Variants in CAMSAP1 observed in about 807,000 individuals in gnomAD.
CAMSAP1 encodes the protein calmodulin regulated spectrin associated protein 1, also known as calmodulin-regulated spectrin-associated protein 1.
Under a neutral mutation model 143.5 loss-of-function variants are expected in CAMSAP1, and 58 were observed. The ratio of observed to expected loss-of-function variants is 0.40; its 90% CI spans 0.33 to 0.50. The LOEUF (loss-of-function observed/expected upper bound fraction) is 0.50. Ranked by LOEUF, CAMSAP1 falls within the 20% of genes least tolerant of loss-of-function variation. The pLI is 0.45. For synonymous variants in CAMSAP1, 945 were observed against 859.3 expected (o/e 1.10, Z -1.74); for missense variants, 1,969 against 2,115.7 (o/e 0.93, Z 1.36).
At chr9:135,842,100 G>GA (rs1242346289) in intron 7 of CAMSAP1, among the ~76,000 whole-genome samples, 1 of 152,064 alleles carries the variant, frequency 6.6e-6, no homozygotes, top group Non-Finnish European at 1.5e-5. Context: ...TAAGAACCTT[G>GA]AAAAAAGGTT....
rs1257413864 is a variant in CAMSAP1, at chr9:135,862,477, C to T, written c.798G>A (p.Met266Ile). 3 of 1,551,344 alleles carry T rather than the reference C, an allele frequency of 1.9e-6. No homozygotes were observed. The highest frequency in any genetic ancestry group is 2.6e-6 in the Non-Finnish European group (3 of 1,146,972). ...AVIHYYCPEQ[M>I]KLDDICLKEV... ...GCATTCTCCACTCACCATCCAGTTT[C>T]ATCTGCTCTGGGCAATAATAGTGAA... The change falls in exon 5 of 17, where the codon ATG (methionine) becomes ATA (isoleucine). Residue 266 changes from methionine (M) to isoleucine (I), a missense_variant. Met to Ile is a conservative substitution (Grantham distance 10). Coordinates refer to ENST00000389532, the MANE Select transcript of CAMSAP1 (RefSeq NM_015447.4).
At chr9:135,905,037 C>T (rs1838734050) in intron 1 of CAMSAP1, among the ~76,000 whole-genome samples, 1 of 152,172 alleles carries the variant, frequency 6.6e-6, no homozygotes, top group Admixed American at 6.5e-5. Context: ...TGTCACCCAC[C>T]AGTAAGGGGC....
chr9:135,811,489 C>T lies in CAMSAP1; in HGVS notation c.4629G>A (p.Gly1543=). The T allele has an allele frequency of 6.2e-7, 1 of 1,610,506 alleles. No individual in the cohort carries two copies. Among genetic ancestry groups the T allele is most frequent in the Admixed American group, 1.7e-5 (1 of 59,456 alleles). Residue 1543 remains glycine (G), a synonymous_variant, in exon 17 of 17, where the codon GGG becomes GGA. Coordinates refer to ENST00000389532, the MANE Select transcript of CAMSAP1 (RefSeq NM_015447.4). The surrounding 1 kb of genome is among the most constrained non-coding windows in gnomAD (Gnocchi z 4.9). ...TCATTTTCTTGGTGATGTTCTTTGG[C>T]CCCGTGCCAGTGAGTTTGTAGATTT... ...TEEIYKLTGT[G]PKNITKKMID...
At chr9:135,813,641 G>A (rs1294502042) in intron 16 of CAMSAP1, among the ~76,000 whole-genome samples, 1 of 152,226 alleles carries the variant, frequency 6.6e-6, no homozygotes, top group South Asian at 2.1e-4. Context: ...GTCCTAGAAA[G>A]GCCTGCCTGC....
Position 135,848,431 on chromosome 9 carries a change from G to C in CAMSAP1, c.1045+1706C>G, listed in dbSNP as rs564682045. Reference sequence around the variant, plus strand: ...GCAAAATCGAGGTAACCACCACTCGGGTCCAGAAGAGAAAGTCACGGGTCT... The same window carrying C: ...GCAAAATCGAGGTAACCACCACTCGCGTCCAGAAGAGAAAGTCACGGGTCT... On this transcript the variant is annotated intron_variant, in intron 7 of 16. Transcript: ENST00000389532. 5.9e-5 allele frequency among the ~76,000 whole-genome samples: 9 copies of C among 152,114 alleles called. No homozygotes were observed. In the South Asian group the frequency reaches 1.9e-3, roughly 32 times the overall value.
chr9:135,901,752 C>T (rs1348745588), intron 1 of CAMSAP1, among the ~76,000 whole-genome samples: 3 of 152,196 alleles, frequency 2.0e-5, no homozygotes, highest in Non-Finnish European at 2.9e-5. Flanking sequence ...TCTCTCGGCA[C>T]GACATCCCCC....
At chr9:135,881,951 G>C (rs924967531) in intron 2 of CAMSAP1, among the ~76,000 whole-genome samples, 157 bp from the exon 3 acceptor site, 1 of 152,128 alleles carries the variant, frequency 6.6e-6, no homozygotes, top group South Asian at 2.1e-4. Context: ...TGCCTCCCCC[G>C]CACCATCACT....
intron 3 of CAMSAP1, among the ~76,000 whole-genome samples, chr9:135,879,387 A>G (rs1262601383): frequency 6.6e-6 from 1 of 152,084 alleles, no homozygotes. Context: ...CAGGGGAAAA[A>G]GAAACATACC....
chr9:135,851,408 T>G (rs1836779857), intron 5 of CAMSAP1, among the ~76,000 whole-genome samples: 1 of 152,194 alleles, frequency 6.6e-6, no homozygotes, highest in African/African-American at 2.4e-5. Context: ...AAAGAAAACT[T>G]TAAAGCTGAG....
intron 7 of CAMSAP1, among the ~76,000 whole-genome samples, chr9:135,842,118 T>C (rs1394255960): frequency 1.3e-5 from 2 of 152,140 alleles, no homozygotes; most frequent in African/African-American, 2.4e-5. Context: ...GTTAGAGGAA[T>C]TGCTAACTAG....
chr9:135,888,236 C>G (rs745519093), intron 1 of CAMSAP1, among the ~76,000 whole-genome samples: 6 of 152,260 alleles, frequency 3.9e-5, no homozygotes, highest in Non-Finnish European at 8.8e-5. Context: ...TGTGGATGCA[C>G]ACGGGAGTCT....
chr9:135,887,141 G>A (rs903724685), intron 1 of CAMSAP1, among the ~76,000 whole-genome samples: 1 of 152,214 alleles, frequency 6.6e-6, no homozygotes, highest in African/African-American at 2.4e-5. Flanking sequence ...GGGCGCAGTG[G>A]GAGAAGCTGG....
In CAMSAP1 at chr9:135,896,613, T is replaced by C. The variant is rs182466243; in HGVS notation, c.160+10387A>G. Among the ~76,000 whole-genome samples the C allele has an allele frequency of 1.1e-3, 161 of 152,052 alleles. 5 individuals are homozygous for C. The South Asian group carries it at 0.028, about 27-fold the overall frequency. On this transcript the variant is annotated intron_variant, in intron 1 of 16. Transcript: ENST00000389532. ...ACATTCACTAAAAGAGAACATATCC[T>C]AGGCCACAAGACAAACCTTAACAAG...
chr9:135,821,033 A>G lies in CAMSAP1; in HGVS notation c.3628T>C (p.Ser1210Pro), dbSNP rs1044105460. 6.2e-7 allele frequency: 1 copy of G among 1,613,606 alleles called. No homozygotes were observed. The change falls in exon 11 of 17, where the codon TCC becomes CCC. Residue 1210 changes from serine (S) to proline (P), a missense_variant. Around this residue, in one of 4 missense-constraint regions of CAMSAP1, gnomAD observed 1,390 missense variants for 1,420.8 expected, o/e 0.98. Transcript: ENST00000389532. This position sits in a 1 kb window ranked among gnomAD's most constrained non-coding sequence, Gnocchi z 4.6. ...TTTCCCGAGACATCTGAGGAGCTGGACCCCACCTCCTTCACACTCGCATCC... is the reference window on the plus strand; with the variant it reads ...TTTCCCGAGACATCTGAGGAGCTGGGCCCCACCTCCTTCACACTCGCATCC... The part of the protein sequence containing the change: ...VLDASVKEVG[S>P]SSSDVSGKES...
chr9:135,817,853 A>C (rs1243510538), intron 14 of CAMSAP1, 124 bp downstream of exon 14: 12 of 758,346 alleles, frequency 1.6e-5, no homozygotes, highest in Admixed American at 5.4e-5. Context: ...CTATTCTGTA[A>C]ATGTGAAATT....
chr9:135,836,585 T>C (rs1213250015), intron 7 of CAMSAP1: 23 of 983,214 alleles, frequency 2.3e-5, no homozygotes, highest in Non-Finnish European at 2.8e-5. Context: ...ACACACTTTC[T>C]ACCCATTCTG....
At chr9:135,859,664 T>C (rs892085920) in intron 5 of CAMSAP1, among the ~76,000 whole-genome samples, 16 of 151,862 alleles carry the variant, frequency 1.1e-4, no homozygotes, top group African/African-American at 3.9e-4. Context: ...AGTGCTGGGA[T>C]TACAGGGGTG....
chr9:135,823,874 T>TG, intron 10 of CAMSAP1, 76 bp downstream of exon 10: 1 of 1,134,792 alleles, frequency 8.8e-7, no homozygotes, highest in Non-Finnish European at 1.3e-6. Flanking sequence ...CTCAGGGGGT[T>TG]GGGGTGACAT....
chr9:135,852,721 T>G (rs1408750761), intron 5 of CAMSAP1, among the ~76,000 whole-genome samples: 1 of 152,222 alleles, frequency 6.6e-6, no homozygotes, highest in Non-Finnish European at 1.5e-5. Context: ...AATGCAAAGT[T>G]AAGCAAAATT....
Sources: allele counts gnomAD v4.1 joint callset (sites outside exome capture counted in the v4.1 genomes callset), GRCh38; gene constraint gnomAD v4.1.1; regional missense constraint gnomAD v4.1.1; non-coding constraint Gnocchi (gnomAD v3.1); transcripts MANE v1.5; gene names NCBI Gene and HGNC (gene_info 2026-07-23, HGNC 2026-07-21).